NAV3: variants seen among roughly 807,000 people sequenced by gnomAD.
NAV3 encodes neuron navigator 3, also known as pore membrane and/or filament interacting like protein 1.
In NAV3, 87 loss-of-function variants were observed where a neutral mutation model predicts 244.7. That is an observed-to-expected ratio of 0.36 (90% CI 0.30 to 0.42). NAV3 has a LOEUF of 0.42. Among genes scored for constraint, NAV3 ranks in the 20% least tolerant of loss-of-function variants. NAV3 has a pLI of 1.00. For synonymous variants in NAV3, 1,126 were observed against 1,042.2 expected (o/e 1.08, Z -1.55); for missense variants, 2,663 against 2,893.3 (o/e 0.92, Z 1.83).
rs191378046 is a variant in NAV3, at chr12:77,917,971, G to A, written c.244-22348G>A. Among the ~76,000 whole-genome samples the A allele has an allele frequency of 1.5e-3, 233 of 152,106 alleles. 3 individuals carry two copies. The highest frequency in any genetic ancestry group is 5.5e-3 in the African/African-American group (230 of 41,532). On this transcript the variant is annotated intron_variant, in intron 1 of 39. Coordinates refer to ENST00000397909, the MANE Select transcript of NAV3 (RefSeq NM_001024383.2). ...TTCTTAAAGGTAGAAAAATGGAATG[G>A]CATTTTAAAAAACTTGAATTCACCT... is the stretch of plus-strand genomic sequence containing the variant.
chr12:77,888,954 G>T (rs1315934082), intron 1 of NAV3, among the ~76,000 whole-genome samples: 1 of 151,990 alleles, frequency 6.6e-6, no homozygotes, highest in East Asian at 1.9e-4. Flanking sequence ...GGACAGATTT[G>T]GTCAATTGAG....
intron 2 of NAV3, among the ~76,000 whole-genome samples, chr12:77,608,559 T>C (rs990080593): frequency 2.6e-5 from 4 of 152,144 alleles, no homozygotes; most frequent in African/African-American, 9.6e-5. Context: ...CTGGTCTTAC[T>C]GAGGCTCAAA....
At chr12:78,202,356 TCTC>T (rs1959800637) in intron 38 of NAV3, among the ~76,000 whole-genome samples, 1 of 152,074 alleles carries the variant, frequency 6.6e-6, no homozygotes, top group African/African-American at 2.4e-5. Flanking sequence ...TAAATAAAAT[TCTC>T]CTCATTTAAT....
At chr12:77,940,540 T>C in intron 2 of NAV3, 104 bp downstream of exon 2, 1 of 783,230 alleles carries the variant, frequency 1.3e-6, no homozygotes, top group Middle Eastern at 2.6e-4. Context: ...CATGTGTCTC[T>C]GAGATTCATG....
At chr12:77,884,588 C>A (rs193161245) in intron 1 of NAV3, among the ~76,000 whole-genome samples, 2 of 152,248 alleles carry the variant, frequency 1.3e-5, no homozygotes, top group Admixed American at 6.5e-5. Context: ...ACAGAGAGAG[C>A]AAATTTACCC....
chr12:77,855,081 C>A (rs577926601), intron 1 of NAV3, among the ~76,000 whole-genome samples: 2 of 152,096 alleles, frequency 1.3e-5, no homozygotes, highest in African/African-American at 4.8e-5. Context: ...GAGCTGAGAT[C>A]GCGCCACTGC....
At chr12:78,208,260 C>G (rs1263026677) in intron 39 of NAV3, among the ~76,000 whole-genome samples, 1 of 152,042 alleles carries the variant, frequency 6.6e-6, no homozygotes, top group Non-Finnish European at 1.5e-5. Context: ...AATCCATTCC[C>G]TCCAGAGTGA....
At chr12:77,758,616 G>C (rs1006435507) in intron 2 of NAV3, among the ~76,000 whole-genome samples, 4 of 152,122 alleles carry the variant, frequency 2.6e-5, no homozygotes, top group Non-Finnish European at 4.4e-5. Flanking sequence ...GCTAGAAATT[G>C]CTGATAATAC....
At chr12:77,574,026 T>C (rs771499587) in intron 2 of NAV3, among the ~76,000 whole-genome samples, 2 of 152,128 alleles carry the variant, frequency 1.3e-5, no homozygotes, top group Admixed American at 1.3e-4. Context: ...AACATACTAA[T>C]AGTAATAGAA....
At chr12:77,761,057 T>A (rs1274014487) in intron 2 of NAV3, among the ~76,000 whole-genome samples, 2 of 152,096 alleles carry the variant, frequency 1.3e-5, no homozygotes, top group Non-Finnish European at 2.9e-5. Context: ...ATTAATTGAT[T>A]TACTAATTTT....
intron 11 of NAV3, among the ~76,000 whole-genome samples, chr12:78,054,330 T>C (rs1286505423): frequency 6.6e-6 from 1 of 152,054 alleles, no homozygotes; most frequent in Non-Finnish European, 1.5e-5. Flanking sequence ...TAACTGAGAG[T>C]CATGGAACAT....
chr12:78,210,353 C>A, intron 39 of NAV3, 45 bp from the exon 40 acceptor site: 1 of 1,611,828 alleles, frequency 6.2e-7, no homozygotes, highest in Non-Finnish European at 8.5e-7. Flanking sequence ...GGCTGGCTTA[C>A]TCAATGCATC....
chr12:77,767,154 G>T (rs1335848218), intron 2 of NAV3, among the ~76,000 whole-genome samples: 1 of 152,088 alleles, frequency 6.6e-6, no homozygotes, highest in African/African-American at 2.4e-5. Flanking sequence ...TGATAGTTTT[G>T]TATCCTTATT....
intron 1 of NAV3, among the ~76,000 whole-genome samples, chr12:77,874,367 C>T (rs929211761): frequency 2.6e-5 from 4 of 151,926 alleles, no homozygotes; most frequent in Admixed American, 2.0e-4. Context: ...TATAGGCACA[C>T]ACCACCATCC....
At chr12:78,126,455 T>A (rs1955909034) in intron 16 of NAV3, among the ~76,000 whole-genome samples, 1 of 152,182 alleles carries the variant, frequency 6.6e-6, no homozygotes, top group Non-Finnish European at 1.5e-5. Flanking sequence ...TCTTCCTGTA[T>A]TTTTAGAGAG....
At chr12:77,711,946 A>G (rs114742826) in intron 2 of NAV3, among the ~76,000 whole-genome samples, 1 of 151,880 alleles carries the variant, frequency 6.6e-6, no homozygotes, top group East Asian at 1.9e-4. Context: ...CTTCCAATGA[A>G]CTCACTATGC....
In NAV3 at chr12:78,045,936, C is replaced by G. The variant is rs10047660; in HGVS notation, c.2024-4057C>G. 9.9e-3 allele frequency among the ~76,000 whole-genome samples: 1,504 copies of G among 152,184 alleles called. 32 individuals carry two copies. Among genetic ancestry groups the G allele is most frequent in the African/African-American group, 0.035 (1,436 of 41,522 alleles). ...CTTGTTATTGGTCTATTCAGGGATT[C>G]GACTTCTTCCTGGTTTAGTCTTGGG... On this transcript the variant is annotated intron_variant, in intron 9 of 39. Transcript: ENST00000397909.
chr12:78,084,042 C>T (rs1381453717), intron 12 of NAV3, among the ~76,000 whole-genome samples: 1 of 152,298 alleles, frequency 6.6e-6, no homozygotes, highest in East Asian at 1.9e-4. Flanking sequence ...TTGGATAAAA[C>T]TATAAATATC....
chr12:77,980,018 G>C (rs1177071663), intron 5 of NAV3, among the ~76,000 whole-genome samples: 1 of 152,174 alleles, frequency 6.6e-6, no homozygotes, highest in Admixed American at 6.6e-5. Context: ...AAACAGGAAT[G>C]AGGGAGGGAT....
Sources: gnomAD v4.1 joint callset for allele counts (sites outside exome capture counted in the v4.1 genomes callset) on GRCh38, gnomAD v4.1.1 for gene constraint, MANE v1.5 for transcripts, NCBI Gene and HGNC (gene_info 2026-07-23, HGNC 2026-07-21) for gene names.